The following ALDH6A1 variants were observed in gnomAD, a reference collection of about 807,000 sequenced individuals.
The protein encoded by ALDH6A1 is aldehyde dehydrogenase 6 family member A1.
ALDH6A1 carries 43 observed loss-of-function variants against 62.6 expected under a neutral mutation model. That is an observed-to-expected ratio of 0.69 (90% confidence interval 0.54 to 0.89). The LOEUF is 0.89. ALDH6A1 is among the 40% of genes least tolerant of loss of function. ALDH6A1 has a pLI of 0.00. For synonymous variants in ALDH6A1, 194 were observed against 234.2 expected (o/e 0.83, Z 1.57); for missense variants, 551 against 661.3 (o/e 0.83, Z 1.83).
At chr14:74,073,877 C>G (rs1289494170) in intron 2 of ALDH6A1, among the ~76,000 whole-genome samples, 1 of 143,590 alleles carries the variant, frequency 7.0e-6, no homozygotes, top group Non-Finnish European at 1.5e-5. Flanking sequence ...GAGATCACGC[C>G]ACTGCATTCC....
rs779756937 is a variant in ALDH6A1, at chr14:74,066,754, C to T, written c.1175G>A (p.Gly392Asp). 6.2e-7 allele frequency: 1 copy of T among 1,614,014 alleles called. No individual in the cohort carries two copies. The change falls in exon 9 of 12, where the codon GGC becomes GAC. Residue 392 changes from glycine to aspartate, a missense_variant. Gly to Asp is a moderately conservative substitution (Grantham distance 94). Coordinates refer to ENST00000553458, the MANE Select transcript of ALDH6A1 (RefSeq NM_005589.4). Reference protein sequence around the residue: ...LLDGRKIKVKGYENGNFVGPT... With the variant: ...LLDGRKIKVKDYENGNFVGPT... ...TCCAACAAAGTTGCCATTTTCATAG[C>T]CTTTCACTTTAATTTTTCGTCCATC...
chr14:74,084,295 G>A, intron 1 of ALDH6A1, 52 bp downstream of exon 1: 2 of 1,612,580 alleles, frequency 1.2e-6, no homozygotes, highest in Non-Finnish European at 1.7e-6. Flanking sequence ...GGGAGCGGAC[G>A]GAAAGGATCC....
Position 74,072,545 on chromosome 14 carries a change from G to A in ALDH6A1, c.178C>T (p.His60Tyr), listed in dbSNP as rs1338025431. ...ESKSDKWIDI[H>Y]NPATNEVIGR... ...AAAGCAGCTTCGCTTACTGGGTTGT[G>A]GATATCGATCCATTTGTCACTTTTG... The change falls in exon 3 of 12, where the codon CAC becomes TAC. Residue 60 changes from histidine to tyrosine, a missense_variant. Transcript: ENST00000553458. 1 of 1,614,020 alleles carries A rather than the reference G, an allele frequency of 6.2e-7. No homozygotes were observed. The highest frequency in any genetic ancestry group is 1.1e-5 in the South Asian group (1 of 91,068).
intron 10 of ALDH6A1, 41 bp from the exon 11 acceptor site, chr14:74,064,961 G>A: frequency 6.4e-7 from 1 of 1,572,828 alleles, no homozygotes. Flanking sequence ...AAGGACAAAG[G>A]AACTCTCCAT....
chr14:74,075,498 A>G (rs2060602679), intron 1 of ALDH6A1, among the ~76,000 whole-genome samples: 1 of 152,090 alleles, frequency 6.6e-6, no homozygotes, highest in Non-Finnish European at 1.5e-5. Flanking sequence ...TCTACAAAAA[A>G]TTAAAAAATT....
Position 74,060,542 on chromosome 14 carries a change from C to G in ALDH6A1, c.*100G>C. The G allele has an allele frequency of 2.2e-6, 2 of 911,010 alleles. No homozygotes were observed. Among genetic ancestry groups the G allele is most frequent in the Non-Finnish European group, 3.7e-6 (2 of 544,816 alleles). The allele number at this position is 911,010 out of a possible 1,614,324, so 56.4% of individuals were successfully genotyped here. On this transcript the variant is annotated 3_prime_UTR_variant, in exon 12 of 12. Coordinates refer to ENST00000553458, the MANE Select transcript of ALDH6A1 (RefSeq NM_005589.4). Reference sequence around the variant, plus strand: ...AGGAAGATTTTAGTTACAATGTATTCCAATCCCATCGATCTGATCTGAGCA... The same window carrying G: ...AGGAAGATTTTAGTTACAATGTATTGCAATCCCATCGATCTGATCTGAGCA...
At chr14:74,070,010 G>T (rs1312118242) in intron 6 of ALDH6A1, among the ~76,000 whole-genome samples, 1 of 151,646 alleles carries the variant, frequency 6.6e-6, no homozygotes, top group Non-Finnish European at 1.5e-5. Context: ...GCTAATTTTT[G>T]TATTTTTTTT....
At position 74,062,167 on chromosome 14, in the gene ALDH6A1, A is replaced by C. The variant is rs143143344; in HGVS notation, c.1504-1421T>G. Among the ~76,000 whole-genome samples the C allele has an allele frequency of 2.0e-5, 3 of 151,504 alleles. No homozygotes were observed. The South Asian group carries it at 6.3e-4, about 32-fold the overall frequency. Reference sequence around the variant, plus strand: ...AGCCGAGAATGCACCATTGCACTCCAGCCTGGGCAACAGAGCAAAACTCCC... The same window carrying C: ...AGCCGAGAATGCACCATTGCACTCCCGCCTGGGCAACAGAGCAAAACTCCC... On this transcript the variant is annotated intron_variant, in intron 11 of 11. Coordinates refer to ENST00000553458, the MANE Select transcript of ALDH6A1 (RefSeq NM_005589.4).
rs774428035 is a variant in ALDH6A1 at position 74,059,330 on chromosome 14, C to T, written c.*1312G>A. On this transcript the variant is annotated 3_prime_UTR_variant, in exon 12 of 12. Coordinates refer to ENST00000553458, the MANE Select transcript of ALDH6A1 (RefSeq NM_005589.4). ...AGATTTGCTTAAGGCAGGTGTCTTA[C>T]CCATTTTCATGGTTGGAACAATCCT... 14 of 455,090 alleles carry T rather than the reference C, an allele frequency of 3.1e-5. No homozygotes were observed. Among genetic ancestry groups the T allele is most frequent in the Non-Finnish European group, 6.2e-5 (14 of 226,256 alleles). The allele number at this position is 455,090 out of a possible 1,614,324, so 28.2% of individuals were successfully genotyped here.
At chr14:74,073,160 G>A (rs1200138422) in intron 2 of ALDH6A1, among the ~76,000 whole-genome samples, 2 of 152,004 alleles carry the variant, frequency 1.3e-5, no homozygotes, top group African/African-American at 4.8e-5. Flanking sequence ...AGGCTGGAGT[G>A]TAGTGTGATC....
chr14:74,064,661 T>C lies in ALDH6A1; in HGVS notation c.1503+161A>G, dbSNP rs75386402. 4,329 of 1,613,512 alleles carry C rather than the reference T, an allele frequency of 2.7e-3. 94 individuals are homozygous for C. In the African/African-American group the frequency reaches 0.046, roughly 17 times the overall value. Reference sequence around the variant, plus strand: ...TCAGGAAGAAGCAGCTTTGGCAAAATTTTGTTAACTTTTAAATCTTTTTTA... The same window carrying C: ...TCAGGAAGAAGCAGCTTTGGCAAAACTTTGTTAACTTTTAAATCTTTTTTA... On this transcript the variant is annotated intron_variant, in intron 11 of 11. Transcript: ENST00000553458.
At chr14:74,073,593 C>G (rs1198156735) in intron 2 of ALDH6A1, among the ~76,000 whole-genome samples, 1 of 152,122 alleles carries the variant, frequency 6.6e-6, no homozygotes, top group Non-Finnish European at 1.5e-5. Flanking sequence ...CTGACTGTTA[C>G]ATTACTGTGA....
At chr14:74,070,451 A>G (rs11844024) in intron 6 of ALDH6A1, among the ~76,000 whole-genome samples, 2,029 of 152,170 alleles carry the variant, frequency 0.013, 42 homozygotes, top group African/African-American at 0.045. Context: ...CCTGGGAGGC[A>G]GCGGGTAGAG....
intron 1 of ALDH6A1, among the ~76,000 whole-genome samples, chr14:74,077,360 G>A (rs1000288820): frequency 1.8e-4 from 28 of 152,044 alleles, no homozygotes; most frequent in African/African-American, 6.5e-4. Flanking sequence ...ATCTTATTCC[G>A]TTTTGTGTTG....
chr14:74,067,597 G>A, intron 7 of ALDH6A1, 28 bp from the exon 8 acceptor site: 1 of 1,610,924 alleles, frequency 6.2e-7, no homozygotes, highest in Non-Finnish European at 8.5e-7. Context: ...AAGCACATGA[G>A]TCTTCCTTGG....
In ALDH6A1 at chr14:74,066,844, T is replaced by A. The variant is rs780772496; in HGVS notation, c.1085A>T (p.Gln362Leu). 1 of 1,613,970 alleles carries A rather than the reference T, an allele frequency of 6.2e-7. No individual in the cohort carries two copies. The highest frequency in any genetic ancestry group is 1.7e-5 in the Admixed American group (1 of 59,970). The change falls in exon 9 of 12, where the codon CAG becomes CTG. Residue 362 changes from glutamine to leucine, a missense_variant. By Grantham distance (113) the Gln-to-Leu change is moderately radical. Coordinates refer to ENST00000553458, the MANE Select transcript of ALDH6A1 (RefSeq NM_005589.4). ...GADLGPLITPQAKERVCNLID... is the reference protein window; with the variant it reads ...GADLGPLITPLAKERVCNLID... ...CAGATTACAGACTCGCTCTTTGGCCTGGGGAGTGATCAGAGGGCCAAGATC... is the reference window on the plus strand; with the variant it reads ...CAGATTACAGACTCGCTCTTTGGCCAGGGGAGTGATCAGAGGGCCAAGATC...
At position 74,084,450 on chromosome 14, in the gene ALDH6A1, A is replaced by T; in HGVS notation, c.-56T>A. ...CGCCTCTACTGCCCAGAAGCACTAC[A>T]GCTGCCAGGCCTCGCCCTCCATCCT... is the stretch of plus-strand genomic sequence containing the variant. On this transcript the variant is annotated 5_prime_UTR_variant, in exon 1 of 12. Coordinates refer to ENST00000553458, the MANE Select transcript of ALDH6A1 (RefSeq NM_005589.4). 3 of 1,599,874 alleles carry T rather than the reference A, an allele frequency of 1.9e-6. No individual in the cohort carries two copies. The highest frequency in any genetic ancestry group is 2.6e-6 in the Non-Finnish European group (3 of 1,174,866).
At chr14:74,067,997 TAAA>T (rs35503985) in intron 7 of ALDH6A1, among the ~76,000 whole-genome samples, 2 of 132,956 alleles carry the variant, frequency 1.5e-5, no homozygotes, top group Admixed American at 7.5e-5. Context: ...AGAGCAATGT[TAAA>T]AAAAAAAAAA....
intron 11 of ALDH6A1, among the ~76,000 whole-genome samples, chr14:74,062,297 C>T (rs2060363921): frequency 6.6e-6 from 1 of 151,744 alleles, no homozygotes; most frequent in Non-Finnish European, 1.5e-5. Context: ...TCAAATTAGT[C>T]ATTTTTACAA....
Sources: gnomAD v4.1 joint callset for allele counts (sites outside exome capture counted in the v4.1 genomes callset) on GRCh38, gnomAD v4.1.1 for gene constraint, MANE v1.5 for transcripts, NCBI Gene and HGNC (gene_info 2026-07-23, HGNC 2026-07-21) for gene names.